The following MYO1B variants were observed in gnomAD, a reference collection of about 807,000 sequenced individuals.
MYO1B encodes the protein myosin IB, also known as unconventional myosin-Ib.
Under a neutral mutation model 159.7 loss-of-function variants are expected in MYO1B, and 72 were observed. The observed-to-expected ratio is 0.45, with a 90% CI of 0.37 to 0.55. The LOEUF is 0.55. Among genes scored for constraint, MYO1B ranks in the 20% least tolerant of loss-of-function variants. MYO1B has a pLI of 0.00. For missense variants in MYO1B, 1,062 were observed against 1,364.8 expected (o/e 0.78, Z 3.50); for synonymous variants, 468 against 473.8 (o/e 0.99, Z 0.16).
intron 3 of MYO1B, among the ~76,000 whole-genome samples, chr2:191,316,564 T>C (rs965452596): frequency 1.3e-5 from 2 of 152,242 alleles, no homozygotes; most frequent in Admixed American, 6.5e-5. Context: ...GAACTACTAG[T>C]CTAGAATAGT....
chr2:191,295,984 A>G, intron 2 of MYO1B, 127 bp from the exon 3 acceptor site: 1 of 418,212 alleles, frequency 2.4e-6, no homozygotes. Context: ...TAAAATGTAT[A>G]CAATGAATGG....
At chr2:191,353,909 C>G (rs890895592) in intron 7 of MYO1B, among the ~76,000 whole-genome samples, 1 of 152,166 alleles carries the variant, frequency 6.6e-6, no homozygotes, top group Non-Finnish European at 1.5e-5. Context: ...AATACATGCT[C>G]TATAAGGATA....
intron 4 of MYO1B, among the ~76,000 whole-genome samples, chr2:191,333,771 T>C (rs1691645030): frequency 6.6e-6 from 1 of 152,208 alleles, no homozygotes; most frequent in Non-Finnish European, 1.5e-5. Flanking sequence ...GACATGGGCA[T>C]CTTGAGAAAA....
chr2:191,270,039 G>A (rs1687365395), intron 1 of MYO1B, among the ~76,000 whole-genome samples: 2 of 152,148 alleles, frequency 1.3e-5, no homozygotes, highest in Admixed American at 1.3e-4. Context: ...GCTAATTTGG[G>A]GTAAAGGAGA....
At chr2:191,351,205 A>G (rs1403638949) in intron 7 of MYO1B, among the ~76,000 whole-genome samples, 8 of 151,430 alleles carry the variant, frequency 5.3e-5, no homozygotes, top group Non-Finnish European at 1.0e-4. Flanking sequence ...AAAAAAAAAG[A>G]AAGTTGACTG....
At chr2:191,379,785 T>C (rs1397005976) in intron 13 of MYO1B, among the ~76,000 whole-genome samples, 2 of 152,194 alleles carry the variant, frequency 1.3e-5, no homozygotes, top group Non-Finnish European at 2.9e-5. Flanking sequence ...GGACATACTT[T>C]AGCAAAGCAA....
In MYO1B at chr2:191,402,724, T is replaced by C. The variant is rs758012804; in HGVS notation, c.2556+6T>C. 1.9e-6 allele frequency: 3 copies of C among 1,608,602 alleles called. No homozygotes were observed. In the Admixed American group the frequency reaches 5.1e-5, roughly 27 times the overall value. On this transcript the variant is annotated splice_donor_region_variant and intron_variant, in intron 24 of 30. Transcript: ENST00000392318. ...CTTACTGGCTTGGACTGAAGGTACT[T>C]CCTCAACCACTTGTTTCTGTCCAGG... is the stretch of plus-strand genomic sequence containing the variant.
At chr2:191,324,806 T>G (rs2125904254) in intron 3 of MYO1B, among the ~76,000 whole-genome samples, 1 of 152,258 alleles carries the variant, frequency 6.6e-6, no homozygotes, top group Non-Finnish European at 1.5e-5. Context: ...AAAGACTTAT[T>G]TTCCCTAAAG....
chr2:191,271,499 T>C (rs1687452972), intron 1 of MYO1B, among the ~76,000 whole-genome samples: 1 of 140,060 alleles, frequency 7.1e-6, no homozygotes. Context: ...CATAGCAAGA[T>C]CTTCTTTCTA....
chr2:191,277,181 C>T, intron 2 of MYO1B, 151 bp downstream of exon 2: 1 of 924,506 alleles, frequency 1.1e-6, no homozygotes, highest in Non-Finnish European at 1.6e-6. Context: ...TGAGTTTTTA[C>T]TGATTTAGCC....
intron 7 of MYO1B, among the ~76,000 whole-genome samples, chr2:191,352,156 T>C (rs1692966537): frequency 6.6e-6 from 1 of 152,220 alleles, no homozygotes; most frequent in Admixed American, 6.5e-5. Flanking sequence ...CCAAACTTGT[T>C]AGGAAGACTC....
intron 24 of MYO1B, among the ~76,000 whole-genome samples, chr2:191,404,030 A>C (rs192421163): frequency 6.6e-6 from 1 of 152,308 alleles, no homozygotes; most frequent in Non-Finnish European, 1.5e-5. Context: ...TCTCCAACAA[A>C]ACAGAGGTAC....
chr2:191,295,866 A>C (rs4853573), intron 2 of MYO1B, among the ~76,000 whole-genome samples: 80,438 of 151,908 alleles, frequency 0.53, 22,046 homozygotes, highest in East Asian at 0.66. Flanking sequence ...AAATTAGTTC[A>C]GAGATATACT....
At chr2:191,415,453 A>G (rs1697499856) in intron 29 of MYO1B, among the ~76,000 whole-genome samples, 1 of 152,192 alleles carries the variant, frequency 6.6e-6, no homozygotes. Flanking sequence ...GGGCATATCA[A>G]ATACTAGGAC....
At chr2:191,358,603 GCA>G (rs551053409) in intron 7 of MYO1B, among the ~76,000 whole-genome samples, 51 of 152,322 alleles carry the variant, frequency 3.3e-4, no homozygotes, top group African/African-American at 1.2e-3. Flanking sequence ...TGTTGCTGTT[GCA>G]CAGTGTAGTG....
intron 3 of MYO1B, among the ~76,000 whole-genome samples, chr2:191,329,282 A>G (rs1372625489): frequency 6.6e-6 from 1 of 152,102 alleles, no homozygotes; most frequent in Admixed American, 6.5e-5. Context: ...CTGGACAAAA[A>G]CCCTGGCAAA....
chr2:191,294,258 G>C (rs989845843), intron 2 of MYO1B, among the ~76,000 whole-genome samples: 3 of 152,154 alleles, frequency 2.0e-5, no homozygotes, highest in African/African-American at 7.2e-5. Flanking sequence ...CAAGAATTTA[G>C]CCACTGTGAA....
rs901159467 is a variant in MYO1B at position 191,424,061 on chromosome 2, G to A, written c.*101G>A. ...ATTGTATGTTTGGGAATCACCAAAG[G>A]CTTTTAGAGTTCTTTGGCAAAATAA... On this transcript the variant is annotated 3_prime_UTR_variant, in exon 31 of 31. Coordinates refer to ENST00000392318, the MANE Select transcript of MYO1B (RefSeq NM_001130158.3). The A allele has an allele frequency of 4.5e-6, 6 of 1,334,632 alleles. No homozygotes were observed. The highest frequency in any genetic ancestry group is 6.1e-6 in the Non-Finnish European group (6 of 978,762). 82.7% of individuals were successfully genotyped at this position (1,334,632 alleles called of 1,614,324 possible). A position where few individuals can be genotyped will look rare whatever the true frequency, so the allele number is the denominator to read the frequency against.
rs1439422219 is a variant in MYO1B, at chr2:191,414,167, G to A, written c.2993G>A (p.Arg998His). 5 of 1,611,476 alleles carry A rather than the reference G, an allele frequency of 3.1e-6. No individual in the cohort carries two copies. The highest frequency in any genetic ancestry group is 1.1e-5 in the South Asian group (1 of 90,130). ...GCTGAAGTCGTGAACAAAATTAACCGTGCTAATGGGAAGGTAAAAATGCTA... is the reference window on the plus strand; with the variant it reads ...GCTGAAGTCGTGAACAAAATTAACCATGCTAATGGGAAGGTAAAAATGCTA... ...IIAEVVNKIN[R>H]ANGKSTSRIF... Residue 998 changes from arginine (R) to histidine (H), a missense_variant, in exon 28 of 31, where the codon CGT (arginine) becomes CAT (histidine). By Grantham distance (29) the Arg-to-His change is conservative (BLOSUM62 0). Coordinates refer to ENST00000392318, the MANE Select transcript of MYO1B (RefSeq NM_001130158.3).
Sources: allele counts gnomAD v4.1 joint callset (sites outside exome capture counted in the v4.1 genomes callset), GRCh38; gene constraint gnomAD v4.1.1; transcripts MANE v1.5; gene names NCBI Gene and HGNC (gene_info 2026-07-23, HGNC 2026-07-21).